The following FAAH2 variants were observed in gnomAD, a reference collection of about 807,000 sequenced individuals.
The protein encoded by FAAH2 is fatty-acid amide hydrolase 2.
Under a neutral mutation model 36.9 loss-of-function variants are expected in FAAH2, and 60 were observed. The ratio of observed to expected loss-of-function variants is 1.63; its 90% confidence interval spans 1.32 to 2.02. FAAH2 has a LOEUF of 2.02. FAAH2 is among the 30% of genes most tolerant of loss of function. The probability of loss-of-function intolerance (pLI) is 0.00; values close to 1 mark genes in which losing one functional copy is unlikely to be tolerated. For missense variants in FAAH2, 689 were observed against 397.5 expected (o/e 1.73, Z -6.23); for synonymous variants, 214 against 143.8 (o/e 1.49, Z -3.49).
At chrX:57,330,508 G>T (rs1000037964) in intron 3 of FAAH2, among the ~76,000 whole-genome samples, 3 of 111,390 alleles carry the variant, frequency 2.7e-5, no homozygotes, top group Non-Finnish European at 5.7e-5. Flanking sequence ...CCCCGGTCCT[G>T]AGGTCCTGTG....
At chrX:57,444,064 C>T (rs1244325858) in intron 8 of FAAH2, among the ~76,000 whole-genome samples, 1 of 111,953 alleles carries the variant, frequency 8.9e-6, no homozygotes, top group Non-Finnish European at 1.9e-5. Flanking sequence ...GGTCAGGGAC[C>T]CACTTGAGGA....
At chrX:57,253,087 G>A in the FAAH2 span, among the ~76,000 whole-genome samples, 724 of 111,574 alleles carry the variant, frequency 6.5e-3, 3 homozygotes, top group African/African-American at 0.022. Flanking sequence ...CTGATGGAGC[G>A]GAAAACCACA....
chrX:57,395,001 G>A (rs1398755536), intron 7 of FAAH2: 4 of 566,601 alleles, frequency 7.1e-6, no homozygotes, highest in Admixed American at 6.7e-5. Context: ...CAGTCATTTA[G>A]GTCACCTCTA....
chrX:57,379,698 C>G (rs1269288213), intron 6 of FAAH2, among the ~76,000 whole-genome samples: 1 of 110,414 alleles, frequency 9.1e-6, no homozygotes, highest in Non-Finnish European at 1.9e-5. Context: ...ATTGCCAGAT[C>G]CTTTGTGTGA....
the FAAH2 span, among the ~76,000 whole-genome samples, chrX:57,242,682 G>A: frequency 2.7e-5 from 3 of 111,902 alleles, no homozygotes; most frequent in Admixed American, 9.4e-5. Flanking sequence ...CCCTAGCCAA[G>A]GGAAGCTGTA....
the FAAH2 span, among the ~76,000 whole-genome samples, chrX:57,209,645 A>G: frequency 1.8e-5 from 2 of 111,469 alleles, no homozygotes; most frequent in Non-Finnish European, 3.8e-5. Context: ...GCCTGGAGTT[A>G]TGGAAGGAGT....
intron 3 of FAAH2, among the ~76,000 whole-genome samples, chrX:57,311,642 G>T (rs1049707777): frequency 8.9e-6 from 1 of 112,130 alleles, no homozygotes; most frequent in South Asian, 3.7e-4. Context: ...AGAGAGCAGA[G>T]CCAGCTTCTT....
chrX:57,254,799 C>T, the FAAH2 span, among the ~76,000 whole-genome samples: 1 of 111,758 alleles, frequency 8.9e-6, no homozygotes, highest in Non-Finnish European at 1.9e-5. Flanking sequence ...ATTTATGGCA[C>T]TGAATGCCCT....
chrX:57,213,220 CT>C, the FAAH2 span, among the ~76,000 whole-genome samples: 1 of 111,227 alleles, frequency 9.0e-6, no homozygotes, highest in African/African-American at 3.3e-5. Context: ...CTTCTCTCTT[CT>C]TTTCTTGGGT....
At chrX:57,171,004 C>G in the FAAH2 span, among the ~76,000 whole-genome samples, 1 of 111,422 alleles carries the variant, frequency 9.0e-6, no homozygotes, top group East Asian at 2.8e-4. Flanking sequence ...GCCACTGCAA[C>G]CGGCCTGTAT....
rs754979641 is a variant in FAAH2 at position 57,352,123 on chromosome X, CATAT to C, written c.742+10742_742+10745del. ...ATATATATATGTGTATATATATGCA[CATAT>C]ATATATATGTGTATATATATGCACA... On this transcript the variant is annotated intron_variant, in intron 5 of 10. Coordinates refer to ENST00000374900, the MANE Select transcript of FAAH2 (RefSeq NM_174912.4). Among the ~76,000 whole-genome samples, 65 of 33,429 alleles carry C rather than the reference CATAT, an allele frequency of 1.9e-3. 3 individuals are homozygous for C. Among genetic ancestry groups the C allele is most frequent in the Admixed American group, 3.1e-3 (7 of 2,230 alleles). 29.0% of individuals were successfully genotyped at this position (33,429 alleles called of 115,157 possible). A position where few individuals can be genotyped will look rare whatever the true frequency, so the allele number is the denominator to read the frequency against.
chrX:57,445,861 C>T (rs2056663076), intron 8 of FAAH2, among the ~76,000 whole-genome samples: 1 of 112,148 alleles, frequency 8.9e-6, no homozygotes, highest in African/African-American at 3.2e-5. Context: ...AATCAATTGC[C>T]TCTGAGAGAA....
chrX:57,209,097 G>T, the FAAH2 span, among the ~76,000 whole-genome samples: 1 of 111,965 alleles, frequency 8.9e-6, no homozygotes, highest in South Asian at 3.7e-4. Context: ...TCTGTCCCAG[G>T]GTAGGTCTAG....
At chrX:57,131,998 C>G in the FAAH2 span, among the ~76,000 whole-genome samples, 1 of 111,858 alleles carries the variant, frequency 8.9e-6, no homozygotes, top group Non-Finnish European at 1.9e-5. Context: ...ATATGAAACT[C>G]TCTTACATTT....
chrX:57,219,288 G>T, the FAAH2 span, among the ~76,000 whole-genome samples: 1 of 111,102 alleles, frequency 9.0e-6, no homozygotes, highest in Non-Finnish European at 1.9e-5. Context: ...TTGTCTGTTG[G>T]TGCACTCTCG....
chrX:57,462,287 A>C (rs1399310852), intron 10 of FAAH2, among the ~76,000 whole-genome samples: 1 of 110,899 alleles, frequency 9.0e-6, no homozygotes, highest in East Asian at 2.8e-4. Flanking sequence ...AAGAAGAGGG[A>C]TTCCTCCCTA....
the FAAH2 span, chrX:57,135,892 G>T: frequency 3.0e-4 from 361 of 1,207,555 alleles, 2 homozygotes; most frequent in African/African-American, 5.8e-3. Context: ...TACACAGAGG[G>T]TTTGGTTTCC....
chrX:57,315,659 T>C (rs1437316083), intron 3 of FAAH2, among the ~76,000 whole-genome samples: 2 of 111,854 alleles, frequency 1.8e-5, no homozygotes, highest in Admixed American at 9.5e-5. Context: ...GTAAAAACCA[T>C]GTGATCATCT....
the FAAH2 span, among the ~76,000 whole-genome samples, chrX:57,177,591 T>C: frequency 1.3e-5 from 1 of 78,445 alleles, no homozygotes; most frequent in Non-Finnish European, 2.4e-5. Context: ...TATATATATA[T>C]ATATATATAT....
Sources: allele counts gnomAD v4.1 joint callset (sites outside exome capture counted in the v4.1 genomes callset), GRCh38; gene constraint gnomAD v4.1.1; transcripts MANE v1.5; gene names NCBI Gene and HGNC (gene_info 2026-07-23, HGNC 2026-07-21).